CNTLN: variants seen among roughly 807,000 people sequenced by gnomAD.
The protein encoded by CNTLN is centlein, centrosomal protein.
Under a neutral mutation model 180.0 loss-of-function variants are expected in CNTLN, and 212 were observed. That is an observed-to-expected ratio of 1.18 (90% confidence interval 1.05 to 1.32). The LOEUF is 1.32. Among genes scored for constraint, CNTLN ranks in the 40% most tolerant of loss-of-function variants. The pLI, the probability that CNTLN is intolerant of heterozygous loss-of-function variation, is 0.00. For missense variants in CNTLN, 2,095 were observed against 1,610.9 expected, an observed-to-expected ratio of 1.30 and a Z score of -5.14; for synonymous variants, 722 against 563.1, an observed-to-expected ratio of 1.28 and a Z score of -3.99.
chr9:17,305,047 A>G (rs193238707), intron 7 of CNTLN, among the ~76,000 whole-genome samples: 19 of 152,288 alleles, frequency 1.2e-4, no homozygotes, highest in African/African-American at 3.8e-4. Context: ...CATTTTCAAA[A>G]TTGTTAAGAT....
At chr9:17,149,512 CTTT>C (rs55691769) in intron 2 of CNTLN, among the ~76,000 whole-genome samples, 1 of 106,138 alleles carries the variant, frequency 9.4e-6, no homozygotes, top group Non-Finnish European at 1.9e-5. Flanking sequence ...TTCTTTCTTT[CTTT>C]TTTTTTTTTT....
intron 18 of CNTLN, among the ~76,000 whole-genome samples, chr9:17,452,196 A>G (rs1227169331): frequency 1.3e-5 from 2 of 152,024 alleles, no homozygotes; most frequent in African/African-American, 2.4e-5. Flanking sequence ...TTTATTTCTC[A>G]TTATTGGGCC....
intron 12 of CNTLN, among the ~76,000 whole-genome samples, chr9:17,356,142 G>C (rs114498954): frequency 2.0e-5 from 3 of 151,662 alleles, no homozygotes; most frequent in Non-Finnish European, 2.9e-5. Context: ...GAGCAAATCA[G>C]AATATTAAGG....
At chr9:17,157,964 A>G (rs985226708) in intron 2 of CNTLN, among the ~76,000 whole-genome samples, 7 of 152,162 alleles carry the variant, frequency 4.6e-5, no homozygotes, top group Non-Finnish European at 4.4e-5. Context: ...AATTAAAACT[A>G]CCTTCAGGCT....
intron 2 of CNTLN, among the ~76,000 whole-genome samples, chr9:17,163,977 C>T (rs1819866427): frequency 6.6e-6 from 1 of 151,650 alleles, no homozygotes; most frequent in Non-Finnish European, 1.5e-5. Flanking sequence ...TGAATTCATG[C>T]CACTGCACTC....
In CNTLN at chr9:17,214,922, C is replaced by T. The variant is rs1000719188; in HGVS notation, c.450-11281C>T. Among the ~76,000 whole-genome samples the T allele has an allele frequency of 2.0e-5, 3 of 152,188 alleles. No individual in the cohort carries two copies. In the South Asian group the frequency reaches 6.2e-4, roughly 32 times the overall value. On this transcript the variant is annotated intron_variant, in intron 2 of 25. Transcript: ENST00000380647. ...GCTCCATCAGGTCATTTAAGGACTT[C>T]TGTACACTGGTTATTCTAGTTAGCC... is the stretch of plus-strand genomic sequence containing the variant.
chr9:17,289,998 T>C (rs1229446225), intron 6 of CNTLN, among the ~76,000 whole-genome samples: 1 of 152,122 alleles, frequency 6.6e-6, no homozygotes, highest in Non-Finnish European at 1.5e-5. Context: ...TGAAGCCTTC[T>C]TCTCTCAGCT....
intron 5 of CNTLN, among the ~76,000 whole-genome samples, chr9:17,256,817 G>C (rs367959766): frequency 6.6e-6 from 1 of 151,772 alleles, no homozygotes; most frequent in South Asian, 2.1e-4. Context: ...TTCGATATTT[G>C]ACTGTTTCTC....
At chr9:17,262,684 T>G (rs1336768524) in intron 5 of CNTLN, among the ~76,000 whole-genome samples, 1 of 151,328 alleles carries the variant, frequency 6.6e-6, no homozygotes, top group African/African-American at 2.5e-5. Context: ...ATGGCACATG[T>G]ATACCCATGC....
intron 4 of CNTLN, 146 bp downstream of exon 4, chr9:17,235,938 A>G (rs1298550155): frequency 1.5e-6 from 1 of 664,828 alleles, no homozygotes; most frequent in African/African-American, 1.9e-5. Context: ...CTCACATGCA[A>G]AAACTCTGAT....
At chr9:17,351,693 A>G (rs897308594) in intron 12 of CNTLN, among the ~76,000 whole-genome samples, 14 of 152,096 alleles carry the variant, frequency 9.2e-5, no homozygotes, top group African/African-American at 3.1e-4. Context: ...TCCCTAGTCA[A>G]CTAGAATAAA....
intron 2 of CNTLN, among the ~76,000 whole-genome samples, chr9:17,164,193 T>A (rs1212819560): frequency 2.0e-5 from 3 of 151,020 alleles, no homozygotes; most frequent in Non-Finnish European, 2.9e-5. Flanking sequence ...GTGCCTGTAA[T>A]CCTAGCTCCT....
chr9:17,200,519 T>C (rs187210379), intron 2 of CNTLN, among the ~76,000 whole-genome samples: 21 of 152,298 alleles, frequency 1.4e-4, no homozygotes, highest in Admixed American at 1.2e-3. Flanking sequence ...CGTTGAGCAG[T>C]GGTTTGTAGT....
chr9:17,348,232 A>C (rs915300527), intron 12 of CNTLN, among the ~76,000 whole-genome samples: 1 of 152,170 alleles, frequency 6.6e-6, no homozygotes, highest in Non-Finnish European at 1.5e-5. Flanking sequence ...AAATTGCAAA[A>C]GCTTTACACC....
chr9:17,207,849 C>A (rs899522270), intron 2 of CNTLN, among the ~76,000 whole-genome samples: 2 of 152,148 alleles, frequency 1.3e-5, no homozygotes, highest in Non-Finnish European at 2.9e-5. Context: ...ATTTATCAGT[C>A]CTAATAATTT....
downstream of CNTLN, among the ~76,000 whole-genome samples, chr9:17,506,122 A>C (rs368236070): frequency 3.0e-4 from 46 of 152,168 alleles, 1 homozygote; most frequent in East Asian, 7.9e-3. Context: ...CACATCACAC[A>C]TTCAGACATA....
At chr9:17,258,800 C>G (rs1587369425) in intron 5 of CNTLN, among the ~76,000 whole-genome samples, 3 of 145,444 alleles carry the variant, frequency 2.1e-5, no homozygotes, top group South Asian at 2.3e-4. Flanking sequence ...TATAAGAATG[C>G]TTGTGATTTT....
At chr9:17,188,519 T>G (rs1313409961) in intron 2 of CNTLN, among the ~76,000 whole-genome samples, 1 of 152,158 alleles carries the variant, frequency 6.6e-6, no homozygotes, top group Non-Finnish European at 1.5e-5. Flanking sequence ...TAATATTGTT[T>G]AGGCAATATT....
intron 8 of CNTLN, among the ~76,000 whole-genome samples, chr9:17,315,747 T>C (rs773242857): frequency 6.6e-6 from 1 of 152,060 alleles, no homozygotes; most frequent in Non-Finnish European, 1.5e-5. Context: ...GTTACTCTGA[T>C]GTTTTACCCA....
Sources: allele counts gnomAD v4.1 joint callset (sites outside exome capture counted in the v4.1 genomes callset), GRCh38; gene constraint gnomAD v4.1.1; transcripts MANE v1.5; gene names NCBI Gene and HGNC (gene_info 2026-07-23, HGNC 2026-07-21).